Variants in CADM1 observed in about 807,000 individuals in gnomAD.
CADM1 encodes TSLC-1.
A neutral mutation model predicts 53.1 loss-of-function variants in CADM1; 15 were observed. The observed-to-expected ratio is 0.28, with a 90% confidence interval of 0.19 to 0.44. The LOEUF is 0.44. Among genes scored for constraint, CADM1 ranks in the 20% least tolerant of loss-of-function variants. The pLI is 1.00. For missense variants in CADM1, 434 were observed against 611.3 expected (o/e 0.71, Z 3.06); for synonymous variants, 281 against 243.0 (o/e 1.16, Z -1.45).
At chr11:115,405,073 C>T (rs1947280768) in intron 1 of CADM1, among the ~76,000 whole-genome samples, 1 of 152,098 alleles carries the variant, frequency 6.6e-6, no homozygotes, top group Admixed American at 6.6e-5. Context: ...AATCCTCTCA[C>T]CTCAGTCTCT....
At chr11:115,385,619 T>C (rs963775416) in intron 1 of CADM1, among the ~76,000 whole-genome samples, 1 of 136,728 alleles carries the variant, frequency 7.3e-6, no homozygotes, top group Non-Finnish European at 1.6e-5. Context: ...AACAAGAAAA[T>C]GTAAAGGATT....
At chr11:115,489,295 A>G (rs1266291470) in intron 1 of CADM1, among the ~76,000 whole-genome samples, 1 of 152,216 alleles carries the variant, frequency 6.6e-6, no homozygotes, top group African/African-American at 2.4e-5. Flanking sequence ...TTCATTCATT[A>G]TGGGAGAACA....
chr11:115,497,879 A>G (rs563907870), intron 1 of CADM1, among the ~76,000 whole-genome samples: 2 of 151,640 alleles, frequency 1.3e-5, no homozygotes, highest in Non-Finnish European at 2.9e-5. Context: ...AAATCATCTC[A>G]TGCATAATTC....
intron 1 of CADM1, among the ~76,000 whole-genome samples, chr11:115,389,622 G>A (rs2135178109): frequency 6.6e-6 from 1 of 152,146 alleles, no homozygotes; most frequent in South Asian, 2.1e-4. Context: ...CAAACAACAG[G>A]ACTAAAGATG....
chr11:115,327,091 AT>A (rs1289073471), intron 1 of CADM1, among the ~76,000 whole-genome samples: 2 of 152,154 alleles, frequency 1.3e-5, no homozygotes, highest in Non-Finnish European at 2.9e-5. Flanking sequence ...TTTTATATAC[AT>A]GTTATCTTAT....
intron 1 of CADM1, among the ~76,000 whole-genome samples, chr11:115,305,080 T>C (rs913220431): frequency 1.3e-5 from 2 of 151,912 alleles, no homozygotes; most frequent in Non-Finnish European, 2.9e-5. Context: ...AGCTCACAGA[T>C]GGTGAAATGA....
chr11:115,291,968 C>G (rs557753987), intron 1 of CADM1, among the ~76,000 whole-genome samples: 4 of 152,274 alleles, frequency 2.6e-5, no homozygotes, highest in Non-Finnish European at 5.9e-5. Flanking sequence ...ATATAGGTGT[C>G]TGCATGACAT....
intron 1 of CADM1, among the ~76,000 whole-genome samples, chr11:115,417,794 T>G (rs926783026): frequency 6.6e-6 from 1 of 152,238 alleles, no homozygotes. Context: ...TGGATCATGT[T>G]TGCCATGGGT....
intron 1 of CADM1, among the ~76,000 whole-genome samples, chr11:115,446,447 C>G (rs1023643853): frequency 6.6e-6 from 1 of 152,094 alleles, no homozygotes; most frequent in Non-Finnish European, 1.5e-5. Context: ...TGAAGGCTCA[C>G]GTGTTTGGAA....
chr11:115,234,673 A>T (rs1489517524), intron 3 of CADM1, among the ~76,000 whole-genome samples: 1 of 152,068 alleles, frequency 6.6e-6, no homozygotes, highest in Non-Finnish European at 1.5e-5. Flanking sequence ...TGGGTGGATC[A>T]CCTGGGGTCA....
chr11:115,267,926 G>A (rs912849473), intron 1 of CADM1, among the ~76,000 whole-genome samples: 1 of 152,024 alleles, frequency 6.6e-6, no homozygotes, highest in Admixed American at 6.6e-5. Flanking sequence ...GGGAATGAAA[G>A]TGAGTAAATA....
intron 1 of CADM1, among the ~76,000 whole-genome samples, chr11:115,471,836 T>C (rs775937710): frequency 1.3e-5 from 2 of 152,038 alleles, no homozygotes; most frequent in Non-Finnish European, 2.9e-5. Context: ...GAAGACACCA[T>C]GGATGGAATG....
chr11:115,311,450 C>T (rs1565358323), intron 1 of CADM1, among the ~76,000 whole-genome samples: 1 of 152,102 alleles, frequency 6.6e-6, no homozygotes, highest in Non-Finnish European at 1.5e-5. Flanking sequence ...CAAGTCCTGC[C>T]ATTGGTCCTG....
At chr11:115,394,264 G>A (rs1946929119) in intron 1 of CADM1, among the ~76,000 whole-genome samples, 2 of 152,212 alleles carry the variant, frequency 1.3e-5, no homozygotes, top group African/African-American at 2.4e-5. Flanking sequence ...CATAGATGCA[G>A]TAAAAGAGAA....
At chr11:115,431,858 A>G (rs1455235691) in intron 1 of CADM1, among the ~76,000 whole-genome samples, 2 of 151,772 alleles carry the variant, frequency 1.3e-5, no homozygotes, top group Non-Finnish European at 1.5e-5. Flanking sequence ...CCTCCATGAC[A>G]CTTGTATCAT....
intron 1 of CADM1, among the ~76,000 whole-genome samples, chr11:115,340,413 G>A (rs2135242630): frequency 6.7e-6 from 1 of 148,868 alleles, no homozygotes; most frequent in African/African-American, 2.5e-5. Context: ...GTCTTTCTAG[G>A]AACACTCTGA....
At chr11:115,269,588 C>T (rs1591657643) in intron 1 of CADM1, among the ~76,000 whole-genome samples, 1 of 152,136 alleles carries the variant, frequency 6.6e-6, no homozygotes, top group Non-Finnish European at 1.5e-5. Flanking sequence ...ATTCCATACA[C>T]CATACGTGAT....
chr11:115,380,832 T>C (rs1417249376), intron 1 of CADM1, among the ~76,000 whole-genome samples: 1 of 152,176 alleles, frequency 6.6e-6, no homozygotes, highest in Non-Finnish European at 1.5e-5. Context: ...AAGTATAACA[T>C]GATTTAGGCT....
At chr11:115,446,628 T>C (rs1259290577) in intron 1 of CADM1, among the ~76,000 whole-genome samples, 3 of 152,152 alleles carry the variant, frequency 2.0e-5, no homozygotes, top group African/African-American at 7.2e-5. Context: ...CTAAAAGTTA[T>C]AGTGTAAATC....
Sources: allele counts gnomAD v4.1 joint callset (sites outside exome capture counted in the v4.1 genomes callset), GRCh38; gene constraint gnomAD v4.1.1; transcripts MANE v1.5; gene names NCBI Gene and HGNC (gene_info 2026-07-23, HGNC 2026-07-21).